GREP1: variants seen among roughly 807,000 people sequenced by gnomAD.
The protein encoded by GREP1 is glycine-rich extracellular protein 1.
At chr16:2,995,186 AG>A (rs71158129) in intron 13 of GREP1, 97 bp from the exon 15 acceptor site, 261,587 of 397,832 alleles carry the variant, frequency 0.66, 88,040 homozygotes, top group African/African-American at 0.89. Flanking sequence ...GCAGGTCCTG[AG>A]GGGGATGGGA....
intron 20 of GREP1, 127 bp from the exon 20 acceptor site, chr16:2,996,926 T>A: frequency 2.5e-6 from 1 of 399,142 alleles, no homozygotes; most frequent in African/African-American, 2.1e-5. Context: ...CTTACCACGT[T>A]CCCTTTTTTG....
At chr16:2,996,619 C>A (rs1027427239) in intron 19 of GREP1, 54 bp from the exon 19 acceptor site, 2 of 399,126 alleles carry the variant, frequency 5.0e-6, no homozygotes, top group African/African-American at 2.1e-5. Context: ...GAGCTGGGGT[C>A]TGGGGATCAG....
intron 20 of GREP1, 150 bp downstream of exon 19, chr16:2,996,855 T>C (rs944408419): frequency 1.5e-5 from 6 of 398,268 alleles, no homozygotes; most frequent in African/African-American, 4.1e-5. Context: ...GGAGAGGAGG[T>C]TGGGGAGAGA....
rs541299246 is a variant in GREP1, at chr16:2,992,419, C to T, written c.323-386C>T. On this transcript the variant is annotated intron_variant, in intron 8 of 34. Coordinates refer to ENST00000573315, the Ensembl canonical transcript of GREP1. This position sits in a 1 kb window ranked among gnomAD's most constrained non-coding sequence, Gnocchi z 4.9. ...TCCTCCCAGGATACAACAATGGAAA[C>T]GGACCGGGAACCCAGCCAGGTCGGG... 42 of 163,664 alleles carry T rather than the reference C, an allele frequency of 2.6e-4. No individual in the cohort carries two copies. The South Asian group carries it at 7.5e-3, about 29-fold the overall frequency. The allele number at this position is 163,664 out of a possible 1,614,324, so 10.1% of individuals were successfully genotyped here.
At chr16:2,988,295 C>T (rs923729135) in exon 1 of GREP1, 5 of 399,124 alleles carry the variant, frequency 1.3e-5, no homozygotes, top group African/African-American at 6.2e-5. Context: ...CTGGGCCTTC[C>T]CCGCAGCCCT....
intron 5 of GREP1, 73 bp downstream of exon 5, chr16:2,990,195 T>C (rs1461957000): frequency 7.5e-6 from 3 of 397,678 alleles, no homozygotes; most frequent in African/African-American, 2.1e-5. Context: ...GGAGAGATTG[T>C]TGGGGGGAGG....
rs2072405234 is a variant in GREP1 at position 2,992,707 on chromosome 16, A to G, written c.323-98A>G. 2.5e-6 allele frequency: 1 copy of G among 397,486 alleles called. No homozygotes were observed. The highest frequency in any genetic ancestry group is 4.4e-6 in the Non-Finnish European group (1 of 225,468). 24.6% of individuals were successfully genotyped at this position (397,486 alleles called of 1,614,324 possible). A position where few individuals can be genotyped will look rare whatever the true frequency, so the allele number is the denominator to read the frequency against. ...CACACAAGACAGAAAGGCAGAGGGC[A>G]GGGGTCACGCGAGACAGAAAGGGAG... is the stretch of plus-strand genomic sequence containing the variant. On this transcript the variant is annotated intron_variant, in intron 8 of 34. Coordinates refer to ENST00000573315, the Ensembl canonical transcript of GREP1. This position sits in a 1 kb window ranked among gnomAD's most constrained non-coding sequence, Gnocchi z 4.9.
rs1286629698 is a variant in GREP1 at position 2,989,471 on chromosome 16, C to T, written c.101-52C>T. The T allele has an allele frequency of 1.3e-5, 5 of 399,098 alleles. No individual in the cohort carries two copies. The highest frequency in any genetic ancestry group is 4.4e-5 in the Admixed American group (1 of 22,718). 24.7% of individuals were successfully genotyped at this position (399,098 alleles called of 1,614,324 possible). ...GGGGTGCTTGGGGAGGGTGGCACAC[C>T]GGCTCCCAGCTGCTCCAGCACCCCG... is the stretch of plus-strand genomic sequence containing the variant. On this transcript the variant is annotated intron_variant, in intron 2 of 34. Transcript: ENST00000573315. The surrounding 1 kb of genome is among the most constrained non-coding windows in gnomAD (Gnocchi z 4.2).
At position 2,995,324 on chromosome 16, in the gene GREP1, T is replaced by C. The variant is rs2072418971; in HGVS notation, c.517+8T>C. 1.0e-5 allele frequency: 4 copies of C among 398,956 alleles called. No individual in the cohort carries two copies. The East Asian group carries it at 1.4e-4, about 14-fold the overall frequency. The allele number at this position is 398,956 out of a possible 1,614,324, so 24.7% of individuals were successfully genotyped here. On this transcript the variant is annotated splice_region_variant and intron_variant, in intron 14 of 34. Coordinates refer to ENST00000573315, the Ensembl canonical transcript of GREP1. ...TGAAGGCACAGGAGCCAGGTAAGCCTGGCTCTCCCGGGCTTCTGTCTCCCC... is the reference window on the plus strand; with the variant it reads ...TGAAGGCACAGGAGCCAGGTAAGCCCGGCTCTCCCGGGCTTCTGTCTCCCC...
chr16:2,999,240 CT>C lies in GREP1; in HGVS notation c.1145-15del, dbSNP rs141943892. The C allele has an allele frequency of 5.3e-3, 2,123 of 398,854 alleles. 50 individuals are homozygous for C. The highest frequency in any genetic ancestry group is 0.04 in the African/African-American group (1,965 of 48,754). The allele number at this position is 398,854 out of a possible 1,614,324, so 24.7% of individuals were successfully genotyped here. On this transcript the variant is annotated splice_polypyrimidine_tract_variant and intron_variant, in intron 26 of 34. Coordinates refer to ENST00000573315, the Ensembl canonical transcript of GREP1. Reference sequence around the variant, plus strand: ...CCCTCGGCTGGGCTCACTCCTGCCCCTAACCTTCCTCCTAGCACCAATGCCA... The same window carrying C: ...CCCTCGGCTGGGCTCACTCCTGCCCCAACCTTCCTCCTAGCACCAATGCCA...
rs1383402427 is a variant in GREP1 at position 2,991,572 on chromosome 16, G to A, written c.322+471G>A. On this transcript the variant is annotated intron_variant, in intron 8 of 34. Coordinates refer to ENST00000573315, the Ensembl canonical transcript of GREP1. This position sits in a 1 kb window ranked among gnomAD's most constrained non-coding sequence, Gnocchi z 4.9. The stretch of plus-strand genomic sequence containing the variant: ...GCTCTCCCCAGGCCTGGGGAAGAGG[G>A]AACCTCAGAAGCGGATGAAGGGAGG... 1 of 153,372 alleles carries A rather than the reference G, an allele frequency of 6.5e-6. No individual in the cohort carries two copies. The highest frequency in any genetic ancestry group is 2.4e-5 in the African/African-American group (1 of 41,450). The allele number at this position is 153,372 out of a possible 1,614,324, so 9.5% of individuals were successfully genotyped here. A position where few individuals can be genotyped will look rare whatever the true frequency, so the allele number is the denominator to read the frequency against.
chr16:2,996,736 C>A (rs1013611934), intron 20 of GREP1, 31 bp downstream of exon 19: 1 of 398,864 alleles, frequency 2.5e-6, no homozygotes, highest in East Asian at 3.6e-5. Flanking sequence ...TGTGGCCCCA[C>A]CTCCCCTAGA....
chr16:2,997,058 T>G, exon 21 of GREP1: 1 of 399,074 alleles, frequency 2.5e-6, no homozygotes, highest in Non-Finnish European at 4.4e-6. Flanking sequence ...ACCAGGCTAT[T>G]TGGGGGTTAT....
Position 2,989,445 on chromosome 16 carries a change from C to T in GREP1, c.101-78C>T, listed in dbSNP as rs962960904. On this transcript the variant is annotated intron_variant, in intron 2 of 34. Coordinates refer to ENST00000573315, the Ensembl canonical transcript of GREP1. This position sits in a 1 kb window ranked among gnomAD's most constrained non-coding sequence, Gnocchi z 4.2. Reference sequence around the variant, plus strand: ...GCTACAGATCTGGTAAAGCTGGTGGCGGGGTGCTTGGGGAGGGTGGCACAC... The same window carrying T: ...GCTACAGATCTGGTAAAGCTGGTGGTGGGGTGCTTGGGGAGGGTGGCACAC... 7.5e-6 allele frequency: 3 copies of T among 398,814 alleles called. No homozygotes were observed. The highest frequency in any genetic ancestry group is 3.6e-5 in the East Asian group (1 of 28,084). The allele number at this position is 398,814 out of a possible 1,614,324, so 24.7% of individuals were successfully genotyped here.
At chr16:2,996,974 G>C in exon 21 of GREP1, 1 of 399,330 alleles carries the variant, frequency 2.5e-6, no homozygotes, top group South Asian at 1.3e-4. Context: ...CTATGGACCA[G>C]GAAGGGGCAG....
In GREP1 at chr16:3,000,132, G is replaced by C. The variant is rs2524315; in HGVS notation, c.1264+14G>C. ...CACAGAAAATTGGTGAGTCCTCCTG[G>C]GCCCCCGACCCATGTTGAGCGGAAG... On this transcript the variant is annotated intron_variant, in intron 29 of 34. Transcript: ENST00000573315. 242,017 of 398,846 alleles carry C rather than the reference G, an allele frequency of 0.61. 73,773 individuals are homozygous for C. The highest frequency in any genetic ancestry group is 0.65 in the South Asian group (5,114 of 7,856). 24.7% of individuals were successfully genotyped at this position (398,846 alleles called of 1,614,324 possible). A position where few individuals can be genotyped will look rare whatever the true frequency, so the allele number is the denominator to read the frequency against.
At chr16:2,993,123 G>T (rs376764430) in intron 10 of GREP1, 160 bp downstream of exon 11, 342 of 393,586 alleles carry the variant, frequency 8.7e-4, no homozygotes, top group African/African-American at 6.4e-3. Flanking sequence ...TGGAACCCAG[G>T]CAGGTAAGGC....
chr16:2,990,725 G>A, intron 7 of GREP1, 138 bp downstream of exon 6: 1 of 398,340 alleles, frequency 2.5e-6, no homozygotes, highest in Non-Finnish European at 4.4e-6. Flanking sequence ...AGAGAGGGCA[G>A]AACAGGTGGG....
At chr16:3,000,621 A>C (rs1459322112) in intron 32 of GREP1, 93 bp from the exon 27 acceptor site, 3 of 398,908 alleles carry the variant, frequency 7.5e-6, no homozygotes, top group African/African-American at 4.1e-5. Context: ...ATGGTAAGAA[A>C]TGAGCCTTCT....
Sources: gnomAD v4.1 joint callset for allele counts on GRCh38, gnomAD v4.1.1 for gene constraint, Gnocchi (gnomAD v3.1) non-coding constraint, MANE v1.5 for transcripts, NCBI Gene and HGNC (gene_info 2026-07-23, HGNC 2026-07-21) for gene names.